NECTIN3: variants seen among roughly 807,000 people sequenced by gnomAD.
The protein encoded by NECTIN3 is nectin-3.
A neutral mutation model predicts 49.4 loss-of-function variants in NECTIN3; 8 were observed. The observed-to-expected ratio is 0.16, with a 90% confidence interval of 0.10 to 0.29. The LOEUF is 0.29. Ranked by LOEUF, NECTIN3 falls within the 10% of genes least tolerant of loss-of-function variation. The pLI, the probability that NECTIN3 is intolerant of heterozygous loss-of-function variation, is 1.00. For missense variants in NECTIN3, 581 were observed against 654.6 expected (o/e 0.89, Z 1.23); for synonymous variants, 277 against 241.1 (o/e 1.15, Z -1.38).
chr3:111,123,330 A>AT lies in NECTIN3; in HGVS notation c.917+1098dup, dbSNP rs1195993195. Among the ~76,000 whole-genome samples, 7 of 151,156 alleles carry AT rather than the reference A, an allele frequency of 4.6e-5. No homozygotes were observed. In the East Asian group the frequency reaches 1.4e-3, roughly 29 times the overall value. On this transcript the variant is annotated intron_variant, in intron 4 of 5. Transcript: ENST00000485303. The stretch of plus-strand genomic sequence containing the variant: ...ATCTCTTTTCCCTCCAAGTTCTTTT[A>AT]TTTTTTGGTTTGGTCTTTCATTATG...
At chr3:111,072,551 C>G in intron 1 of NECTIN3, 1 of 1,535,748 alleles carries the variant, frequency 6.5e-7, no homozygotes, top group East Asian at 2.4e-5. Context: ...CGCTTTTTTT[C>G]CCGGTGAAAC....
chr3:111,172,569 AATG>A (rs1278090012), intron 7 of NECTIN3, among the ~76,000 whole-genome samples: 1 of 152,190 alleles, frequency 6.6e-6, no homozygotes, highest in Non-Finnish European at 1.5e-5. Context: ...TGTGTTCAAA[AATG>A]ATATTATTAA....
intron 7 of NECTIN3, among the ~76,000 whole-genome samples, chr3:111,179,816 C>G (rs1437835395): frequency 6.6e-6 from 1 of 151,308 alleles, no homozygotes; most frequent in Non-Finnish European, 1.5e-5. Flanking sequence ...TGGTGTGAAC[C>G]TGGGAGACAG....
chr3:111,122,467 C>T (rs76117374), intron 4 of NECTIN3, among the ~76,000 whole-genome samples: 3,609 of 152,150 alleles, frequency 0.024, 153 homozygotes, highest in African/African-American at 0.082. Flanking sequence ...TAGTTACAGT[C>T]AGAGGTCTTA....
chr3:111,071,969 G>A lies in NECTIN3; in HGVS notation c.-49G>A, dbSNP rs1373090755. 3.7e-6 allele frequency: 5 copies of A among 1,336,618 alleles called. No homozygotes were observed. The African/African-American group carries it at 4.7e-5, about 12-fold the overall frequency. The allele number at this position is 1,336,618 out of a possible 1,614,324, so 82.8% of individuals were successfully genotyped here. Reference sequence around the variant, plus strand: ...GCCCAGAGCCTGAGGCGCCGGGGCCGGGGGAGCCGGGGGGCGGGCGGGCGA... The same window carrying A: ...GCCCAGAGCCTGAGGCGCCGGGGCCAGGGGAGCCGGGGGGCGGGCGGGCGA... On this transcript the variant is annotated 5_prime_UTR_variant, in exon 1 of 6. Coordinates refer to ENST00000485303, the MANE Select transcript of NECTIN3 (RefSeq NM_015480.3).
intron 1 of NECTIN3, among the ~76,000 whole-genome samples, chr3:111,075,512 A>G (rs1490190004): frequency 6.6e-6 from 1 of 152,140 alleles, no homozygotes; most frequent in Admixed American, 6.6e-5. Flanking sequence ...AGAAGAGTGC[A>G]TGAAATATAG....
chr3:111,125,115 C>T (rs1377525024), intron 4 of NECTIN3, among the ~76,000 whole-genome samples: 14 of 147,920 alleles, frequency 9.5e-5, no homozygotes, highest in Non-Finnish European at 1.8e-4. Flanking sequence ...TGCAACCTCC[C>T]CTTCCTGGGT....
rs2034507514 is a variant in NECTIN3 at position 111,134,475 on chromosome 3, C to T, written c.*260C>T. On this transcript the variant is annotated 3_prime_UTR_variant, in exon 6 of 6. Coordinates refer to ENST00000485303, the MANE Select transcript of NECTIN3 (RefSeq NM_015480.3). ...CAGAGTACTTTATTGGTGTGAGGCACACAGGTAAGAAGAAATGTCAACATT... is the reference window on the plus strand; with the variant it reads ...CAGAGTACTTTATTGGTGTGAGGCATACAGGTAAGAAGAAATGTCAACATT... The T allele has an allele frequency of 3.6e-6, 4 of 1,108,738 alleles. No individual in the cohort carries two copies. Among genetic ancestry groups the T allele is most frequent in the South Asian group, 3.8e-5 (1 of 26,576 alleles). The allele number at this position is 1,108,738 out of a possible 1,614,324, so 68.7% of individuals were successfully genotyped here.
At chr3:111,086,984 C>T (rs1159344107) in intron 1 of NECTIN3, among the ~76,000 whole-genome samples, 8 of 151,828 alleles carry the variant, frequency 5.3e-5, no homozygotes. Context: ...AGATTTATTT[C>T]AAGTTATTTG....
At chr3:111,099,992 T>C (rs905237149) in intron 1 of NECTIN3, among the ~76,000 whole-genome samples, 1 of 152,078 alleles carries the variant, frequency 6.6e-6, no homozygotes, top group African/African-American at 2.4e-5. Flanking sequence ...GGACCCAGAG[T>C]CACACTGTTC....
chr3:111,083,153 C>CG (rs1441160021), intron 1 of NECTIN3, among the ~76,000 whole-genome samples: 1 of 151,992 alleles, frequency 6.6e-6, no homozygotes, highest in African/African-American at 2.4e-5. Context: ...CAGACTCGTA[C>CG]GGGGGTTGGA....
upstream of NECTIN3, among the ~76,000 whole-genome samples, chr3:111,189,131 A>G (rs2035771768): frequency 6.6e-6 from 1 of 152,150 alleles, no homozygotes; most frequent in African/African-American, 2.4e-5. Flanking sequence ...ATTGCCCTCC[A>G]TTTGGTAGCT....
chr3:111,168,665 A>G (rs1235393313), intron 7 of NECTIN3, among the ~76,000 whole-genome samples: 1 of 152,170 alleles, frequency 6.6e-6, no homozygotes, highest in Non-Finnish European at 1.5e-5. Context: ...ATCATCTTAT[A>G]CTTTGGGAGG....
intron 2 of NECTIN3, among the ~76,000 whole-genome samples, chr3:111,115,143 G>C (rs559413444): frequency 1.7e-4 from 26 of 152,296 alleles, no homozygotes; most frequent in African/African-American, 6.3e-4. Flanking sequence ...TTCCTCAGTT[G>C]TTAAACTCAT....
chr3:111,157,357 A>G (rs555710557), intron 7 of NECTIN3, among the ~76,000 whole-genome samples: 2 of 152,260 alleles, frequency 1.3e-5, no homozygotes, highest in East Asian at 3.9e-4. Context: ...ACAACCAAAC[A>G]AAAAACTTAG....
intron 1 of NECTIN3, among the ~76,000 whole-genome samples, chr3:111,108,494 T>C (rs1408993613): frequency 6.6e-6 from 1 of 152,182 alleles, no homozygotes; most frequent in Non-Finnish European, 1.5e-5. Flanking sequence ...GGAGATATAA[T>C]TAGGTTATTC....
intron 4 of NECTIN3, 83 bp downstream of exon 4, chr3:111,122,321 AATAC>A: frequency 9.7e-7 from 1 of 1,031,268 alleles, no homozygotes; most frequent in Non-Finnish European, 1.4e-6. Context: ...TTATCTGTAT[AATAC>A]ATGATTATAG....
At chr3:111,101,435 T>C (rs2032901412) in intron 1 of NECTIN3, among the ~76,000 whole-genome samples, 1 of 152,152 alleles carries the variant, frequency 6.6e-6, no homozygotes, top group Non-Finnish European at 1.5e-5. Context: ...AGAAATTTGC[T>C]ATTTTCTATG....
chr3:111,185,245 CTCT>C (rs2035697601), intron 7 of NECTIN3, among the ~76,000 whole-genome samples: 2 of 152,104 alleles, frequency 1.3e-5, no homozygotes, highest in African/African-American at 4.8e-5. Context: ...AGATCCTGTG[CTCT>C]TCTTGAATTT....
Sources: allele counts gnomAD v4.1 joint callset (sites outside exome capture counted in the v4.1 genomes callset), GRCh38; gene constraint gnomAD v4.1.1; transcripts MANE v1.5; gene names NCBI Gene and HGNC (gene_info 2026-07-23, HGNC 2026-07-21).